Variants in RASAL1 observed in about 807,000 individuals in gnomAD.
The protein encoded by RASAL1 is RAS protein activator like 1, also known as rasGAP-activating-like protein 1.
In RASAL1, 72 loss-of-function variants were observed where a neutral mutation model predicts 96.6. The observed-to-expected ratio is 0.75, with a 90% CI of 0.62 to 0.91. The LOEUF (loss-of-function observed/expected upper bound fraction) is 0.91. RASAL1 is among the 40% of genes least tolerant of loss of function. RASAL1 has a pLI of 0.00. For synonymous variants in RASAL1, 405 were observed against 430.4 expected, an observed-to-expected ratio of 0.94 and a Z score of 0.73; for missense variants, 1,016 against 1,072.5, an observed-to-expected ratio of 0.95 and a Z score of 0.74.
Position 113,110,294 on chromosome 12 carries a change from C to T in RASAL1, c.1374+1792G>A, listed in dbSNP as rs555288377. ...TTGCCTCTCTGGGCCTCAGTTTCCC[C>T]ATCTGTAAACAGGAAGTGGAGAGAG... On this transcript the variant is annotated intron_variant, in intron 13 of 20. Coordinates refer to ENST00000548055, the MANE Select transcript of RASAL1 (RefSeq NM_001301202.2). Among the ~76,000 whole-genome samples, 5 of 152,328 alleles carry T rather than the reference C, an allele frequency of 3.3e-5. No individual in the cohort carries two copies. The South Asian group carries it at 1.0e-3, about 32-fold the overall frequency.
In RASAL1 at chr12:113,105,790, G is replaced by T. The variant is rs149732792; in HGVS notation, c.1754C>A (p.Thr585Lys). The T allele has an allele frequency of 1.2e-6, 2 of 1,614,202 alleles. No homozygotes were observed. The highest frequency in any genetic ancestry group is 1.7e-6 in the Non-Finnish European group (2 of 1,180,024). ...GTAGCGCTTCTTGAAGGCAAAGCGC[G>T]TGGCCAGGCCGGCAGGCTCCTCCTT... ...KRKEEPAGLATRFAFKKRYVW... is the reference protein window; with the variant it reads ...KRKEEPAGLAKRFAFKKRYVW... Residue 585 changes from threonine (T) to lysine (K), a missense_variant, in exon 16 of 21, where the codon ACG (threonine) becomes AAG (lysine). Physicochemically the swap from Thr to Lys is moderately conservative, Grantham distance 78. Transcript: ENST00000548055.
At chr12:113,123,570 T>G (rs936160206) in intron 4 of RASAL1, among the ~76,000 whole-genome samples, 1 of 152,134 alleles carries the variant, frequency 6.6e-6, no homozygotes, top group Non-Finnish European at 1.5e-5. Flanking sequence ...CATTCACTGT[T>G]AGGTTTTAGC....
intron 14 of RASAL1, chr12:113,107,731 C>T (rs913785980): frequency 3.8e-5 from 15 of 392,956 alleles, no homozygotes; most frequent in Non-Finnish European, 5.8e-5. Context: ...TCTGTTCCCT[C>T]CCGAGCCCAG....
chr12:113,103,673 C>T lies in RASAL1; in HGVS notation c.2104+273G>A, dbSNP rs1013887993. The stretch of plus-strand genomic sequence containing the variant: ...AGAACAAGCTCATGATGTTTGAGTA[C>T]CACTGGATGCTGGCACCTAGTGAGT... On this transcript the variant is annotated intron_variant, in intron 18 of 20. Coordinates refer to ENST00000548055, the MANE Select transcript of RASAL1 (RefSeq NM_001301202.2). The T allele has an allele frequency of 2.8e-5, 15 of 541,980 alleles. No homozygotes were observed. The South Asian group carries it at 3.7e-4, about 13-fold the overall frequency. The allele number at this position is 541,980 out of a possible 1,614,324, so 33.6% of individuals were successfully genotyped here.
Position 113,099,612 on chromosome 12 carries a change from T to G in RASAL1, c.*317A>C. The G allele has an allele frequency of 4.0e-6, 1 of 249,396 alleles. No homozygotes were observed. The highest frequency in any genetic ancestry group is 7.3e-5 in the East Asian group (1 of 13,742). The allele number at this position is 249,396 out of a possible 1,614,324, so 15.4% of individuals were successfully genotyped here. A position where few individuals can be genotyped will look rare whatever the true frequency, so the allele number is the denominator to read the frequency against. ...CCAGCAGCTCAGGGCCAGGCTGGCC[T>G]CCTTGGTATGGATAGAGGCCAGTTT... On this transcript the variant is annotated 3_prime_UTR_variant, in exon 21 of 21. Transcript: ENST00000548055.
chr12:113,125,386 GCTC>G (rs1172130459), intron 4 of RASAL1, among the ~76,000 whole-genome samples: 2 of 152,120 alleles, frequency 1.3e-5, no homozygotes, highest in African/African-American at 4.8e-5. Context: ...TATGTAAAGA[GCTC>G]CTACAAATCA....
intron 8 of RASAL1, among the ~76,000 whole-genome samples, chr12:113,116,575 T>G (rs1951093912): frequency 6.6e-6 from 1 of 152,054 alleles, no homozygotes; most frequent in Non-Finnish European, 1.5e-5. Flanking sequence ...TAGGAATGTA[T>G]ACAAACAACA....
chr12:113,102,285 C>T (rs1487183742), intron 18 of RASAL1, among the ~76,000 whole-genome samples: 1 of 152,116 alleles, frequency 6.6e-6, no homozygotes, highest in African/African-American at 2.4e-5. Context: ...GGGTCTGGAG[C>T]GGTGGCTCAC....
intron 3 of RASAL1, 71 bp downstream of exon 3, chr12:113,127,994 C>T (rs1951555615): frequency 6.4e-7 from 1 of 1,554,014 alleles, no homozygotes; most frequent in South Asian, 1.1e-5. Context: ...TGTGGACCCA[C>T]ATCCCCTCTC....
At chr12:113,120,622 G>A (rs1435115954) in intron 5 of RASAL1, among the ~76,000 whole-genome samples, 1 of 152,142 alleles carries the variant, frequency 6.6e-6, no homozygotes, top group Non-Finnish European at 1.5e-5. Context: ...GGGGAAGGGT[G>A]GAGGTATTTG....
chr12:113,133,017 T>G (rs1454306136), intron 1 of RASAL1, among the ~76,000 whole-genome samples: 1 of 152,180 alleles, frequency 6.6e-6, no homozygotes, highest in Non-Finnish European at 1.5e-5. Flanking sequence ...CTAAGCTTCC[T>G]TTATGCAGGC....
rs983234346 is a variant in RASAL1, at chr12:113,108,354, G to A, written c.1375-132C>T. The A allele has an allele frequency of 6.1e-5, 69 of 1,132,476 alleles. No individual in the cohort carries two copies. The South Asian group carries it at 8.7e-4, about 14-fold the overall frequency. The allele number at this position is 1,132,476 out of a possible 1,614,324, so 70.2% of individuals were successfully genotyped here. On this transcript the variant is annotated intron_variant, in intron 13 of 20. Coordinates refer to ENST00000548055, the MANE Select transcript of RASAL1 (RefSeq NM_001301202.2). ...GGGGAATTGACCAGGAAGCCACACC[G>A]GCTGGCCGAGGAAGTTTTTCCTCTC...
In RASAL1 at chr12:113,109,492, C is replaced by T. The variant is rs745646124; in HGVS notation, c.1375-1270G>A. On this transcript the variant is annotated intron_variant, in intron 13 of 20. Transcript: ENST00000548055. ...CGGGGCCTGGCCCATCTAAAGGTAA[C>T]GCTGGTTCCCCAGCACCAGCAGAGG... is the stretch of plus-strand genomic sequence containing the variant. Among the ~76,000 whole-genome samples the T allele has an allele frequency of 7.9e-5, 12 of 152,262 alleles. No homozygotes were observed. In the South Asian group the frequency reaches 8.3e-4, roughly 11 times the overall value.
At position 113,114,836 on chromosome 12, in the gene RASAL1, TC is replaced by T; in HGVS notation, c.1144del (p.Glu382SerfsTer34). 1 of 1,614,110 alleles carries T rather than the reference TC, an allele frequency of 6.2e-7. No homozygotes were observed. The highest frequency in any genetic ancestry group is 8.5e-7 in the Non-Finnish European group (1 of 1,179,984). On this transcript the variant is annotated frameshift_variant, in exon 12 of 21. Coordinates refer to ENST00000548055, the MANE Select transcript of RASAL1 (RefSeq NM_001301202.2). LOFTEE classifies it high-confidence loss of function. ...CAGGTCCATCTTGCAGGGATCCAGC[TC>T]CATGTACTTCTTCTCCTCAAAGACA... ...SRVFEEKKYMELDPCKMDLGR... is the reference protein window; with the variant it reads ...SRVFEEKKYMXLDPCKMDLGR...
chr12:113,133,500 C>A (rs1450936073), intron 1 of RASAL1, among the ~76,000 whole-genome samples: 3 of 152,172 alleles, frequency 2.0e-5, no homozygotes, highest in Non-Finnish European at 4.4e-5. Context: ...CATACTAAGC[C>A]CTCAGTGACT....
chr12:113,119,772 TG>T (rs138940470), intron 5 of RASAL1, among the ~76,000 whole-genome samples: 15,885 of 152,148 alleles, frequency 0.1, 1,079 homozygotes, highest in Middle Eastern at 0.19. Context: ...AGGCCCCAGA[TG>T]GGAAACTTGA....
intron 1 of RASAL1, among the ~76,000 whole-genome samples, chr12:113,131,514 C>T (rs1219227169): frequency 6.6e-6 from 1 of 152,158 alleles, no homozygotes; most frequent in Non-Finnish European, 1.5e-5. Context: ...CTCCCCATTC[C>T]TCAGCCCTCC....
rs149432377 is a variant in RASAL1 at position 113,110,005 on chromosome 12, C to A, written c.1375-1783G>T. 9.8e-3 allele frequency among the ~76,000 whole-genome samples: 1,488 copies of A among 152,342 alleles called. 17 individuals carry two copies. Among genetic ancestry groups the A allele is most frequent in the African/African-American group, 0.034 (1,418 of 41,570 alleles). On this transcript the variant is annotated intron_variant, in intron 13 of 20. Transcript: ENST00000548055. ...ACCTTGGGGGCTGAGAACTAGAGGACACTTGGGTGTCACTGATATTGGCTC... is the reference window on the plus strand; with the variant it reads ...ACCTTGGGGGCTGAGAACTAGAGGAAACTTGGGTGTCACTGATATTGGCTC...
chr12:113,126,684 T>TCA (rs879882466), intron 4 of RASAL1, among the ~76,000 whole-genome samples: 9 of 142,624 alleles, frequency 6.3e-5, no homozygotes, highest in Admixed American at 2.1e-4. Flanking sequence ...ACTGTCTCTC[T>TCA]CTCTCACACA....
Sources: allele counts gnomAD v4.1 joint callset (sites outside exome capture counted in the v4.1 genomes callset), GRCh38; gene constraint gnomAD v4.1.1; transcripts MANE v1.5; gene names NCBI Gene and HGNC (gene_info 2026-07-23, HGNC 2026-07-21).